MXRA8: variants seen among roughly 807,000 people sequenced by gnomAD.
MXRA8 encodes the protein matrix remodeling associated 8.
In MXRA8, 44 loss-of-function variants were observed where a neutral mutation model predicts 51.4. That is an observed-to-expected ratio of 0.86 (90% CI 0.67 to 1.10). The LOEUF (loss-of-function observed/expected upper bound fraction) is 1.10. MXRA8 is among the 50% of genes least tolerant of loss of function. The pLI, the probability that MXRA8 is intolerant of heterozygous loss-of-function variation, is 0.00. For synonymous variants in MXRA8, 369 were observed against 293.5 expected (o/e 1.26, Z -2.63); for missense variants, 765 against 638.9 (o/e 1.20, Z -2.13).
intron 5 of MXRA8, 54 bp from the exon 6 acceptor site, chr1:1,354,563 C>T: frequency 3.8e-6 from 6 of 1,579,364 alleles, no homozygotes; most frequent in Admixed American, 3.6e-5. Flanking sequence ...ACCTGCGCCC[C>T]GACCCGGGCC....
rs754512875 is a variant in MXRA8 at position 1,354,928 on chromosome 1, C to T, written c.703G>A (p.Gly235Arg). Residue 235 changes from glycine (G) to arginine (R), a missense_variant, in exon 5 of 10, where the codon GGG (glycine) becomes AGG (arginine). Physicochemically the swap from Gly to Arg is moderately radical, Grantham distance 125 (BLOSUM62 -2). Coordinates refer to ENST00000309212, the MANE Select transcript of MXRA8 (RefSeq NM_032348.4). ...LYASGERRAY[G>R]PLFLRDRVAV... ...ACGCGGTCGCGCAGAAAAAGGGGCC[C>T]GTAGGCGCGGCGCTCGCCCGACGCG... is the stretch of plus-strand genomic sequence containing the variant. 1 of 1,605,856 alleles carries T rather than the reference C, an allele frequency of 6.2e-7. No individual in the cohort carries two copies. The highest frequency in any genetic ancestry group is 8.5e-7 in the Non-Finnish European group (1 of 1,176,996).
upstream of MXRA8, among the ~76,000 whole-genome samples, chr1:1,362,156 C>T (rs992151220): frequency 6.6e-6 from 1 of 152,168 alleles, no homozygotes; most frequent in African/African-American, 2.4e-5. Context: ...CCCGAGGAGG[C>T]AGGGCTGTCT....
At chr1:1,362,047 G>T (rs187590188), upstream of MXRA8, among the ~76,000 whole-genome samples, 5 of 152,352 alleles carry the variant, frequency 3.3e-5, no homozygotes, top group Admixed American at 3.3e-4. Flanking sequence ...TGTGGCGACT[G>T]TTCCCGGCCA....
upstream of MXRA8, among the ~76,000 whole-genome samples, chr1:1,359,698 G>T (rs533616261): frequency 6.6e-6 from 1 of 151,282 alleles, no homozygotes; most frequent in African/African-American, 2.5e-5. Context: ...GACACGGACC[G>T]GCGTAAGGAC....
chr1:1,355,165 C>T lies in MXRA8; in HGVS notation c.479-13G>A. 1 of 1,315,208 alleles carries T rather than the reference C, an allele frequency of 7.6e-7. No individual in the cohort carries two copies. Among genetic ancestry groups the T allele is most frequent in the Non-Finnish European group, 9.6e-7 (1 of 1,037,766 alleles). 81.5% of individuals were successfully genotyped at this position (1,315,208 alleles called of 1,614,324 possible). The stretch of plus-strand genomic sequence containing the variant: ...GGGGTGGCCGGGGCTGCGGAGGGGG[C>T]GCGGTCAGCGGCGCGCGGGCCGGGG... On this transcript the variant is annotated splice_polypyrimidine_tract_variant and intron_variant, in intron 4 of 9. Coordinates refer to ENST00000309212, the MANE Select transcript of MXRA8 (RefSeq NM_032348.4).
Position 1,358,304 on chromosome 1 carries a change from C to T in MXRA8, c.49+152G>A, listed in dbSNP as rs545286840. The T allele has an allele frequency of 6.3e-5, 49 of 780,938 alleles. 1 individual carries two copies. In the South Asian group the frequency reaches 8.2e-4, roughly 13 times the overall value. The allele number at this position is 780,938 out of a possible 1,614,324, so 48.4% of individuals were successfully genotyped here. On this transcript the variant is annotated intron_variant, in intron 1 of 9. Coordinates refer to ENST00000309212, the MANE Select transcript of MXRA8 (RefSeq NM_032348.4). Reference sequence around the variant, plus strand: ...TGAAGACGTCACAGCCTCTGGCAAGCGGCTCTCCCGAGCGCCCCCAGACCC... The same window carrying T: ...TGAAGACGTCACAGCCTCTGGCAAGTGGCTCTCCCGAGCGCCCCCAGACCC...
In MXRA8 at chr1:1,353,283, T is replaced by G; in HGVS notation, c.*321A>C. ...TGGGGCTGCCAGGTTCTGATGGGAG[T>G]GTCCTCCAGGAATGTCTTCAGGCCC... is the stretch of plus-strand genomic sequence containing the variant. On this transcript the variant is annotated 3_prime_UTR_variant, in exon 10 of 10. Coordinates refer to ENST00000309212, the MANE Select transcript of MXRA8 (RefSeq NM_032348.4). 1 of 1,543,866 alleles carries G rather than the reference T, an allele frequency of 6.5e-7. No individual in the cohort carries two copies. Among genetic ancestry groups the G allele is most frequent in the South Asian group, 1.2e-5 (1 of 83,874 alleles).
In MXRA8 at chr1:1,353,983, G is replaced by C. The variant is rs779671827; in HGVS notation, c.1222+47C>G. 8 of 1,492,668 alleles carry C rather than the reference G, an allele frequency of 5.4e-6. No individual in the cohort carries two copies. The Admixed American group carries it at 8.4e-5, about 16-fold the overall frequency. 92.5% of individuals were successfully genotyped at this position (1,492,668 alleles called of 1,614,324 possible). On this transcript the variant is annotated intron_variant, in intron 8 of 9. Transcript: ENST00000309212. ...GCTCCCAGGATGCACTTCCCAGCCC[G>C]GGACTGGGAGCCGCGCCTGTGCCCT... is the stretch of plus-strand genomic sequence containing the variant.
upstream of MXRA8, chr1:1,361,442 G>A (rs536564214): frequency 2.2e-4 from 137 of 627,328 alleles, no homozygotes; most frequent in South Asian, 2.3e-3. Context: ...AGGGGTCGGG[G>A]GGCGCCCAGG....
At position 1,355,286 on chromosome 1, in the gene MXRA8, G is replaced by A. The variant is rs1490946150; in HGVS notation, c.436C>T (p.Leu146Phe). The change falls in exon 4 of 10, where the codon CTC becomes TTC. Residue 146 changes from leucine to phenylalanine, a missense_variant. By Grantham distance (22) the Leu-to-Phe change is conservative. Coordinates refer to ENST00000309212, the MANE Select transcript of MXRA8 (RefSeq NM_032348.4). ...AGGCGGACGGCCAGGCTCTCGTAGA[G>A]GTGGCAGTAGTGATGGTGCAGGTTG... ...TCNLHHHYCH[L>F]YESLAVRLEV... The A allele has an allele frequency of 4.4e-6, 7 of 1,577,836 alleles. No individual in the cohort carries two copies. Among genetic ancestry groups the A allele is most frequent in the Non-Finnish European group, 6.0e-6 (7 of 1,165,810 alleles).
rs368317360 is a variant in MXRA8, at chr1:1,355,271, C to T, written c.451G>A (p.Ala151Thr). Residue 151 changes from alanine to threonine, a missense_variant, in exon 4 of 10, where the codon GCC (alanine) becomes ACC (threonine). Ala to Thr is a moderately conservative substitution (Grantham distance 58). Transcript: ENST00000309212. ...HHYCHLYESL[A>T]VRLEVTDGPP... ...CCGTCGGTGACCTCCAGGCGGACGG[C>T]CAGGCTCTCGTAGAGGTGGCAGTAG... 14 of 1,573,012 alleles carry T rather than the reference C, an allele frequency of 8.9e-6. No homozygotes were observed. The East Asian group carries it at 2.0e-4, about 23-fold the overall frequency.
chr1:1,354,322 T>G, intron 6 of MXRA8, 32 bp downstream of exon 6: 1 of 1,601,006 alleles, frequency 6.2e-7, no homozygotes, highest in Non-Finnish European at 8.5e-7. Context: ...CTCAGTCTCC[T>G]GGGGCCGCTG....
upstream of MXRA8, chr1:1,358,616 G>A: frequency 6.8e-7 from 1 of 1,471,448 alleles, no homozygotes; most frequent in Admixed American, 2.5e-5. Flanking sequence ...CGGAGGCCTG[G>A]GCCTGTCTAC....
At chr1:1,354,556 T>C (rs1644078156) in intron 5 of MXRA8, 47 bp from the exon 6 acceptor site, 1 of 1,589,442 alleles carries the variant, frequency 6.3e-7, no homozygotes, top group Non-Finnish European at 8.6e-7. Flanking sequence ...CAGCAAGACC[T>C]GCGCCCCGAC....
rs1644174217 is a variant in MXRA8, at chr1:1,358,359, C to A, written c.49+97G>T. On this transcript the variant is annotated intron_variant, in intron 1 of 9. Transcript: ENST00000309212. ...TCTTCCCTGGTGGGACCTTCCCACT[C>A]CTCCTGGCCCAAGCTCAGATGGGCG... is the stretch of plus-strand genomic sequence containing the variant. The A allele has an allele frequency of 5.8e-6, 8 of 1,373,636 alleles. No homozygotes were observed. The East Asian group carries it at 7.8e-5, about 13-fold the overall frequency. 85.1% of individuals were successfully genotyped at this position (1,373,636 alleles called of 1,614,324 possible).
Position 1,355,116 on chromosome 1 carries a change from T to G in MXRA8, c.515A>C (p.Glu172Ala). Residue 172 changes from glutamate (E) to alanine (A), a missense_variant, in exon 5 of 10, where the codon GAG becomes GCG. Transcript: ENST00000309212. ...TGCGCCGCGCGCCACCGCCAGCACC[T>G]CCTTCTCGCCGTCCCAGTAGGCGGG... ...ATPAYWDGEK[E>A]VLAVARGAPA... 1 of 1,509,544 alleles carries G rather than the reference T, an allele frequency of 6.6e-7. No homozygotes were observed. Among genetic ancestry groups the G allele is most frequent in the Non-Finnish European group, 8.8e-7 (1 of 1,142,236 alleles). 93.5% of individuals were successfully genotyped at this position (1,509,544 alleles called of 1,614,324 possible).
chr1:1,353,397 G>A lies in MXRA8; in HGVS notation c.*207C>T. ...CAGGGGTGGGCAGGGCCACCCGTGAGCAAAGGCCGCAGGGGTGGGGGCTAT... is the reference window on the plus strand; with the variant it reads ...CAGGGGTGGGCAGGGCCACCCGTGAACAAAGGCCGCAGGGGTGGGGGCTAT... On this transcript the variant is annotated 3_prime_UTR_variant, in exon 10 of 10. Coordinates refer to ENST00000309212, the MANE Select transcript of MXRA8 (RefSeq NM_032348.4). 6.5e-7 allele frequency: 1 copy of A among 1,537,120 alleles called. No homozygotes were observed. The highest frequency in any genetic ancestry group is 1.2e-5 in the South Asian group (1 of 83,034).
chr1:1,356,704 C>A lies in MXRA8; in HGVS notation c.50G>T (p.Ser17Ile). The A allele has an allele frequency of 1.4e-6, 2 of 1,427,930 alleles. No homozygotes were observed. Among genetic ancestry groups the A allele is most frequent in the Non-Finnish European group, 1.9e-6 (2 of 1,080,188 alleles). 88.5% of individuals were successfully genotyped at this position (1,427,930 alleles called of 1,614,324 possible). A position where few individuals can be genotyped will look rare whatever the true frequency, so the allele number is the denominator to read the frequency against. Residue 17 changes from serine (S) to isoleucine (I), a missense_variant and splice_region_variant, in exon 2 of 10, where the codon AGC (serine) becomes ATC (isoleucine). Physicochemically the swap from Ser to Ile is moderately radical, Grantham distance 142. Coordinates refer to ENST00000309212, the MANE Select transcript of MXRA8 (RefSeq NM_032348.4). ...ILLWKLVLLQ[S>I]SAVLLHSGSS... ...ACCTGAGTGCAGGAGAACAGCAGAG[C>A]CTGGAAGGAGAGGAGTGAGCTGGAG...
chr1:1,359,351 G>A (rs1644191196), upstream of MXRA8: 14 of 985,450 alleles, frequency 1.4e-5, no homozygotes, highest in Non-Finnish European at 1.7e-5. Flanking sequence ...GCACAAATTT[G>A]AAACTGTGGG....
Sources: gnomAD v4.1 joint callset for allele counts (sites outside exome capture counted in the v4.1 genomes callset) on GRCh38, gnomAD v4.1.1 for gene constraint, MANE v1.5 for transcripts, NCBI Gene and HGNC (gene_info 2026-07-23, HGNC 2026-07-21) for gene names.